The following LARS1 variants were observed in gnomAD, a reference collection of about 807,000 sequenced individuals.
LARS1 encodes the protein leucyl-tRNA synthetase 1, also known as leucine--tRNA ligase, cytoplasmic.
LARS1 carries 100 observed loss-of-function variants against 162.8 expected under a neutral mutation model. The ratio of observed to expected loss-of-function variants is 0.61; its 90% CI spans 0.52 to 0.73. The LOEUF (loss-of-function observed/expected upper bound fraction) is 0.73, where lower values mean the gene tolerates loss of function less well. LARS1 is among the 30% of genes least tolerant of loss of function. The probability of loss-of-function intolerance (pLI) is 0.00; values close to 1 mark genes in which losing one functional copy is unlikely to be tolerated. For missense variants in LARS1, 1,258 were observed against 1,408.9 expected (o/e 0.89, Z 1.71); for synonymous variants, 457 against 462.8 (o/e 0.99, Z 0.16).
chr5:146,137,178 G>GT (rs1752549180), intron 21 of LARS1, among the ~76,000 whole-genome samples: 2 of 152,180 alleles, frequency 1.3e-5, no homozygotes, highest in African/African-American at 4.8e-5. Context: ...GATTATAGGC[G>GT]TGAGTCACCG....
intron 25 of LARS1, 108 bp from the exon 26 acceptor site, chr5:146,129,226 G>T: frequency 1.0e-6 from 1 of 963,584 alleles, no homozygotes; most frequent in Non-Finnish European, 1.5e-6. Flanking sequence ...GTAATTGTGT[G>T]CTCAGAGTTC....
chr5:146,157,372 A>T (rs1164391993), intron 10 of LARS1, 31 bp downstream of exon 10: 1 of 1,578,382 alleles, frequency 6.3e-7, no homozygotes, highest in Non-Finnish European at 8.7e-7. Context: ...AAATTTACGC[A>T]TTAAAATAAA....
intron 5 of LARS1, among the ~76,000 whole-genome samples, chr5:146,165,542 A>T (rs551709400): frequency 1.3e-5 from 2 of 152,118 alleles, no homozygotes; most frequent in South Asian, 4.1e-4. Flanking sequence ...AAAAAAACAA[A>T]AAAAAAAGTA....
At chr5:146,146,294 C>T (rs560124292) in intron 15 of LARS1, among the ~76,000 whole-genome samples, 9 of 147,130 alleles carry the variant, frequency 6.1e-5, no homozygotes, top group South Asian at 2.1e-4. Flanking sequence ...GAGCTGAGAT[C>T]GTGCCATTGC....
At chr5:146,166,398 C>CCA (rs200735032) in intron 5 of LARS1, among the ~76,000 whole-genome samples, 21 of 151,968 alleles carry the variant, frequency 1.4e-4, no homozygotes, top group African/African-American at 4.8e-4. Context: ...TTGTTAACAA[C>CCA]CACACACACA....
At chr5:146,138,694 A>G (rs1752619782) in intron 21 of LARS1, 2 of 153,458 alleles carry the variant, frequency 1.3e-5, no homozygotes, top group Admixed American at 6.9e-5. Context: ...GCATCACTGC[A>G]TACCACCCTG....
chr5:146,170,820 C>T (rs1754237720), intron 4 of LARS1, among the ~76,000 whole-genome samples: 1 of 149,652 alleles, frequency 6.7e-6, no homozygotes, highest in African/African-American at 2.5e-5. Context: ...CATGGTGAAA[C>T]CCCATCTGTA....
intron 21 of LARS1, chr5:146,139,040 GAA>G (rs371218055): frequency 0.55 from 112,484 of 204,160 alleles, 26,328 homozygotes; most frequent in East Asian, 0.67. Flanking sequence ...GTGGATTTGT[GAA>G]AAAAAAAAAA....
chr5:146,124,360 G>A (rs113754551), intron 28 of LARS1, among the ~76,000 whole-genome samples: 2 of 151,634 alleles, frequency 1.3e-5, no homozygotes, highest in African/African-American at 2.4e-5. Flanking sequence ...AAATAAATAC[G>A]GTTTTATGAT....
At chr5:146,152,067 G>C (rs770866217) in intron 13 of LARS1, 65 bp from the exon 14 acceptor site, 1 of 1,575,828 alleles carries the variant, frequency 6.3e-7, no homozygotes, top group African/African-American at 1.3e-5. Flanking sequence ...TAGGGCACAA[G>C]TCCTTTTGCC....
At chr5:146,174,144 TA>T (rs66479730) in intron 2 of LARS1, among the ~76,000 whole-genome samples, 9,479 of 88,826 alleles carry the variant, frequency 0.11, 616 homozygotes, top group Admixed American at 0.28. Flanking sequence ...CTTTTTCTCT[TA>T]AAAAAAAAAA....
At chr5:146,169,545 ATTTC>A (rs1280451187) in intron 4 of LARS1, among the ~76,000 whole-genome samples, 1 of 151,608 alleles carries the variant, frequency 6.6e-6, no homozygotes, top group African/African-American at 2.4e-5. Flanking sequence ...TTACTTTTTA[ATTTC>A]TTTCTTTTTT....
chr5:146,143,590 A>AT, intron 18 of LARS1, 40 bp from the exon 19 acceptor site: 2 of 1,600,312 alleles, frequency 1.2e-6, no homozygotes, highest in Non-Finnish European at 1.7e-6. Flanking sequence ...CCTGAGAGAC[A>AT]TTTCATCTAT....
intron 27 of LARS1, among the ~76,000 whole-genome samples, 185 bp downstream of exon 27, chr5:146,128,486 AG>A (rs1209612863): frequency 1.1e-5 from 1 of 94,028 alleles, no homozygotes; most frequent in Non-Finnish European, 2.9e-5. Flanking sequence ...AGAGGAAAAC[AG>A]CAGCTTTTCC....
chr5:146,151,208 G>A (rs1009488786), intron 14 of LARS1, among the ~76,000 whole-genome samples: 1 of 152,040 alleles, frequency 6.6e-6, no homozygotes, highest in Non-Finnish European at 1.5e-5. Context: ...TTCAAAATAT[G>A]TGTCACTTCA....
rs1753410996 is a variant in LARS1, at chr5:146,153,959, A to G, written c.1087T>C (p.Ser363Pro). 6.2e-7 allele frequency: 1 copy of G among 1,608,554 alleles called. No individual in the cohort carries two copies. Among genetic ancestry groups the G allele is most frequent in the African/African-American group, 1.3e-5 (1 of 74,708 alleles). Residue 363 changes from serine (S) to proline (P), a missense_variant, in exon 11 of 32, where the codon TCT becomes CCT. By Grantham distance (74) the Ser-to-Pro change is moderately conservative (BLOSUM62 -1). Transcript: ENST00000394434. ...ACCTTGTATGATGTTAAAGGTGCAGAAAGTGATGCACCAAGAATTTCCTGC... is the reference window on the plus strand; with the variant it reads ...ACCTTGTATGATGTTAAAGGTGCAGGAAGTGATGCACCAAGAATTTCCTGC... ...MGEEILGASL[S>P]APLTSYKVIY...
At chr5:146,118,192 T>C (rs1435859767) in intron 31 of LARS1, among the ~76,000 whole-genome samples, 3 of 152,164 alleles carry the variant, frequency 2.0e-5, no homozygotes, top group Admixed American at 6.5e-5. Context: ...TAAAAAAGAA[T>C]GAAGTCCTGT....
At chr5:146,167,666 T>C (rs1006695971) in intron 5 of LARS1, among the ~76,000 whole-genome samples, 44 of 151,104 alleles carry the variant, frequency 2.9e-4, no homozygotes, top group African/African-American at 1.0e-3. Context: ...AGTGCTGGGA[T>C]TACAGGCGTG....
chr5:146,124,992 T>C (rs1401458263), intron 28 of LARS1, among the ~76,000 whole-genome samples: 5 of 150,164 alleles, frequency 3.3e-5, no homozygotes, highest in East Asian at 1.9e-4. Flanking sequence ...TTGAATCTAA[T>C]ATCATTTTAT....
Sources: gnomAD v4.1 joint callset for allele counts (sites outside exome capture counted in the v4.1 genomes callset) on GRCh38, gnomAD v4.1.1 for gene constraint, MANE v1.5 for transcripts, NCBI Gene and HGNC (gene_info 2026-07-23, HGNC 2026-07-21) for gene names.